Variants in PDZD2 observed in about 807,000 individuals in gnomAD.
PDZD2 encodes PDZ domain-containing protein 2.
A neutral mutation model predicts 220.7 loss-of-function variants in PDZD2; 90 were observed. That is an observed-to-expected ratio of 0.41 (90% CI 0.34 to 0.49). The LOEUF (loss-of-function observed/expected upper bound fraction) is 0.49. Ranked by LOEUF, PDZD2 falls within the 20% of genes least tolerant of loss-of-function variation. The pLI is 0.28. For missense variants in PDZD2, 3,174 were observed against 3,608.5 expected (o/e 0.88, Z 3.08); for synonymous variants, 1,375 against 1,450.5 (o/e 0.95, Z 1.18).
chr5:31,850,243 T>TATATATATATACAC (rs577432352), intron 2 of PDZD2, among the ~76,000 whole-genome samples: 19 of 122,234 alleles, frequency 1.6e-4, no homozygotes, highest in South Asian at 2.6e-4. Flanking sequence ...TATATATATA[T>TATATATATATACAC]ACACACACAC....
At chr5:31,827,861 G>T (rs932213977) in intron 2 of PDZD2, among the ~76,000 whole-genome samples, 8 of 151,970 alleles carry the variant, frequency 5.3e-5, no homozygotes, top group Non-Finnish European at 1.2e-4. Context: ...CTTCCAAAAA[G>T]AAGACACATA....
intron 5 of PDZD2, among the ~76,000 whole-genome samples, chr5:32,004,850 C>T (rs1452255309): frequency 2.0e-5 from 3 of 152,230 alleles, no homozygotes; most frequent in Admixed American, 1.3e-4. Context: ...GAGTAGCATT[C>T]CAGAACCAAA....
At chr5:32,042,583 G>T (rs10039060) in intron 7 of PDZD2, among the ~76,000 whole-genome samples, 3,445 of 151,768 alleles carry the variant, frequency 0.023, 138 homozygotes, top group African/African-American at 0.079. Context: ...AAAAGAAAAA[G>T]AAAAAAAAGA....
chr5:32,035,699 A>T (rs12188677), intron 6 of PDZD2, among the ~76,000 whole-genome samples: 80,815 of 151,892 alleles, frequency 0.53, 22,471 homozygotes, highest in South Asian at 0.63. Flanking sequence ...GTGAGAAGTG[A>T]CACTATAATT....
chr5:32,008,382 G>A (rs1052907619), intron 5 of PDZD2, among the ~76,000 whole-genome samples: 2 of 151,242 alleles, frequency 1.3e-5, no homozygotes, highest in East Asian at 1.9e-4. Context: ...CCGGGTTCGA[G>A]GGATTCTTGT....
chr5:31,926,490 C>T (rs1744774010), intron 2 of PDZD2, among the ~76,000 whole-genome samples: 1 of 134,130 alleles, frequency 7.5e-6, no homozygotes, highest in African/African-American at 2.8e-5. Context: ...GGCACCACTG[C>T]ACTCCAGCCT....
intron 1 of PDZD2, among the ~76,000 whole-genome samples, chr5:31,670,938 C>A (rs1746192612): frequency 6.6e-6 from 1 of 152,104 alleles, no homozygotes; most frequent in Non-Finnish European, 1.5e-5. Context: ...CCACCAAGAC[C>A]CCTGGACTCA....
chr5:31,778,532 C>T (rs7715159), intron 1 of PDZD2, among the ~76,000 whole-genome samples: 26,800 of 151,552 alleles, frequency 0.18, 2,812 homozygotes, highest in Middle Eastern at 0.23. Context: ...GATGTGCCGC[C>T]TTAAGAGCTG....
intron 1 of PDZD2, among the ~76,000 whole-genome samples, chr5:31,643,226 A>G (rs1745014069): frequency 1.3e-5 from 2 of 152,218 alleles, no homozygotes; most frequent in African/African-American, 4.8e-5. Flanking sequence ...GGAATGGAGA[A>G]GGCAGGAGTT....
At position 31,886,590 on chromosome 5, in the gene PDZD2, C is replaced by T. The variant is rs189959890; in HGVS notation, c.476+86866C>T. Among the ~76,000 whole-genome samples, 143 of 147,002 alleles carry T rather than the reference C, an allele frequency of 9.7e-4. 1 individual carries two copies. The highest frequency in any genetic ancestry group is 2.3e-3 in the South Asian group (11 of 4,712). On this transcript the variant is annotated intron_variant, in intron 2 of 24. Coordinates refer to ENST00000438447, the MANE Select transcript of PDZD2 (RefSeq NM_178140.4). ...TGAAGGATGCTGAGATGTGTGGGCC[C>T]TCAGCCACGGCCCAGGGTGGAATTG...
intron 2 of PDZD2, among the ~76,000 whole-genome samples, chr5:31,974,636 A>G (rs1221539310): frequency 6.6e-6 from 1 of 152,236 alleles, no homozygotes; most frequent in Non-Finnish European, 1.5e-5. Flanking sequence ...TTCATTACTG[A>G]CAGAAATAGC....
intron 1 of PDZD2, among the ~76,000 whole-genome samples, chr5:31,648,741 C>A (rs1745228018): frequency 6.6e-6 from 1 of 151,542 alleles, no homozygotes; most frequent in South Asian, 2.1e-4. Context: ...CAGAGATTTC[C>A]TGTATACCTC....
At chr5:32,096,690 A>G (rs1743736104) in intron 21 of PDZD2, among the ~76,000 whole-genome samples, 1 of 152,122 alleles carries the variant, frequency 6.6e-6, no homozygotes, top group Non-Finnish European at 1.5e-5. Flanking sequence ...TGTAGAAAAC[A>G]TGGCCTTGAT....
At chr5:31,852,558 T>C (rs1758121834) in intron 2 of PDZD2, among the ~76,000 whole-genome samples, 1 of 152,012 alleles carries the variant, frequency 6.6e-6, no homozygotes, top group East Asian at 1.9e-4. Context: ...AGTGCTAGGA[T>C]TACAGGCATG....
At chr5:31,805,473 A>T (rs930118862) in intron 2 of PDZD2, among the ~76,000 whole-genome samples, 1 of 152,186 alleles carries the variant, frequency 6.6e-6, no homozygotes, top group African/African-American at 2.4e-5. Context: ...TCTGCCTCCC[A>T]GCAAATGGTT....
intron 2 of PDZD2, among the ~76,000 whole-genome samples, chr5:31,804,502 G>A (rs1054065178): frequency 7.9e-5 from 12 of 152,122 alleles, no homozygotes; most frequent in Admixed American, 1.3e-4. Flanking sequence ...ATTTAATAGC[G>A]ACCACAATTC....
At chr5:31,701,898 T>C (rs1431636074) in intron 1 of PDZD2, among the ~76,000 whole-genome samples, 1 of 152,330 alleles carries the variant, frequency 6.6e-6, no homozygotes, top group Non-Finnish European at 1.5e-5. Context: ...GTCTAAAATA[T>C]CTGATCTGGA....
chr5:32,100,584 G>A (rs180987042), intron 23 of PDZD2: 6 of 340,756 alleles, frequency 1.8e-5, no homozygotes, highest in East Asian at 7.9e-5. Flanking sequence ...TGGCAGGAGC[G>A]GGGAGGCAGG....
intron 1 of PDZD2, among the ~76,000 whole-genome samples, chr5:31,729,125 CAG>C (rs1218603105): frequency 1.8e-4 from 19 of 106,220 alleles, no homozygotes; most frequent in African/African-American, 6.0e-4. Flanking sequence ...TTTTTTGAGA[CAG>C]AGTTTCAGTC....
Sources: gnomAD v4.1 joint callset for allele counts (sites outside exome capture counted in the v4.1 genomes callset) on GRCh38, gnomAD v4.1.1 for gene constraint, MANE v1.5 for transcripts, NCBI Gene and HGNC (gene_info 2026-07-23, HGNC 2026-07-21) for gene names.